The following RBM27 variants were observed in gnomAD, a reference collection of about 807,000 sequenced individuals.
The protein encoded by RBM27 is RNA binding motif protein 27.
A neutral mutation model predicts 135.3 loss-of-function variants in RBM27; 22 were observed. The ratio of observed to expected loss-of-function variants is 0.16; its 90% CI spans 0.12 to 0.23. The LOEUF (loss-of-function observed/expected upper bound fraction) is 0.23, where lower values mean the gene tolerates loss of function less well. Among genes scored for constraint, RBM27 ranks in the 10% least tolerant of loss-of-function variants. RBM27 has a pLI of 1.00. For missense variants in RBM27, 1,009 were observed against 1,281.0 expected (o/e 0.79, Z 3.24); for synonymous variants, 481 against 442.4 (o/e 1.09, Z -1.10).
chr5:146,235,065 T>TAAATAAAC (rs1757101358), intron 7 of RBM27, among the ~76,000 whole-genome samples: 2 of 151,098 alleles, frequency 1.3e-5, no homozygotes, highest in South Asian at 4.2e-4. Context: ...AATAAATAAA[T>TAAATAAAC]AAATAAATAA....
At chr5:146,224,158 T>C (rs2126726006) in intron 3 of RBM27, among the ~76,000 whole-genome samples, 1 of 152,300 alleles carries the variant, frequency 6.6e-6, no homozygotes, top group East Asian at 1.9e-4. Flanking sequence ...CTCTACAAGT[T>C]AACTTCTCTG....
At chr5:146,249,706 AAG>A (rs1757797931) in intron 8 of RBM27, among the ~76,000 whole-genome samples, 1 of 142,190 alleles carries the variant, frequency 7.0e-6, no homozygotes, top group Non-Finnish European at 1.6e-5. Flanking sequence ...AAAAAAGAAA[AAG>A]TAAAAAAAAA....
intron 8 of RBM27, among the ~76,000 whole-genome samples, chr5:146,243,064 G>T (rs1023969598): frequency 3.3e-5 from 5 of 152,108 alleles, no homozygotes; most frequent in African/African-American, 1.2e-4. Context: ...TCAGGAGTTT[G>T]AGACCAGCGT....
chr5:146,208,286 C>T (rs1755788992), intron 1 of RBM27, among the ~76,000 whole-genome samples: 1 of 152,144 alleles, frequency 6.6e-6, no homozygotes, highest in East Asian at 1.9e-4. Flanking sequence ...ATCTAGTTTA[C>T]AGTTGATTAT....
At chr5:146,284,106 T>TA (rs1234373235) in intron 19 of RBM27, among the ~76,000 whole-genome samples, 1 of 152,216 alleles carries the variant, frequency 6.6e-6, no homozygotes, top group African/African-American at 2.4e-5. Context: ...ATTTGTTTAA[T>TA]GTTTATTGAA....
Position 146,220,492 on chromosome 5 carries a change from AT to A in RBM27, c.178+1390del, listed in dbSNP as rs1244862357. ...TCCATCTCAAAAAAAAAAAAAAAAT[AT>A]ATATATATATATATATGTATGTATA... On this transcript the variant is annotated intron_variant, in intron 2 of 20. Transcript: ENST00000265271. Among the ~76,000 whole-genome samples, 13 of 76,304 alleles carry A rather than the reference AT, an allele frequency of 1.7e-4. 1 individual carries two copies. Among genetic ancestry groups the A allele is most frequent in the Admixed American group, 1.6e-3 (10 of 6,152 alleles). 50.1% of individuals were successfully genotyped at this position (76,304 alleles called of 152,430 possible).
rs551118199 is a variant in RBM27 at position 146,288,291 on chromosome 5, G to A, written c.*2261G>A. The A allele has an allele frequency of 1.3e-5, 2 of 152,048 alleles. No individual in the cohort carries two copies. Among genetic ancestry groups the A allele is most frequent in the South Asian group, 2.1e-4 (1 of 4,824 alleles). 9.4% of individuals were successfully genotyped at this position (152,048 alleles called of 1,614,324 possible). A position where few individuals can be genotyped will look rare whatever the true frequency, so the allele number is the denominator to read the frequency against. On this transcript the variant is annotated 3_prime_UTR_variant, in exon 21 of 21. Transcript: ENST00000265271. ...AAAATTTGACTTTTTAGTATTGGGG[G>A]CAGAAGATAGAAGTGTGTTAAAGTG...
At position 146,224,856 on chromosome 5, in the gene RBM27, C is replaced by A. The variant is rs372500517; in HGVS notation, c.303+1329C>A. 7.0e-4 allele frequency among the ~76,000 whole-genome samples: 107 copies of A among 152,136 alleles called. 1 individual carries two copies. The South Asian group carries it at 0.022, about 31-fold the overall frequency. On this transcript the variant is annotated intron_variant, in intron 3 of 20. Coordinates refer to ENST00000265271, the MANE Select transcript of RBM27 (RefSeq NM_018989.2). ...GTTATAGGTGGTCTAGATATACTTACTGAAAATTTGCCCCATCTGCTCTCT... is the reference window on the plus strand; with the variant it reads ...GTTATAGGTGGTCTAGATATACTTAATGAAAATTTGCCCCATCTGCTCTCT...
At chr5:146,239,775 C>CTTTTT (rs754481130) in intron 8 of RBM27, among the ~76,000 whole-genome samples, 3 of 119,406 alleles carry the variant, frequency 2.5e-5, no homozygotes, top group South Asian at 2.7e-4. Flanking sequence ...CACGCCTGGA[C>CTTTTT]TTTTTTTTTT....
rs931164393 is a variant in RBM27, at chr5:146,286,187, C to G, written c.*157C>G. On this transcript the variant is annotated 3_prime_UTR_variant, in exon 21 of 21. Coordinates refer to ENST00000265271, the MANE Select transcript of RBM27 (RefSeq NM_018989.2). ...GCAAGTTTGCTATTTAAACACATCT[C>G]ATAACTGTACATGATATTAAAGCAC... 3 of 572,716 alleles carry G rather than the reference C, an allele frequency of 5.2e-6. No homozygotes were observed. The African/African-American group carries it at 5.7e-5, about 11-fold the overall frequency. The allele number at this position is 572,716 out of a possible 1,614,324, so 35.5% of individuals were successfully genotyped here.
At chr5:146,279,606 G>A (rs566147153) in intron 19 of RBM27, among the ~76,000 whole-genome samples, 4 of 152,068 alleles carry the variant, frequency 2.6e-5, no homozygotes, top group Non-Finnish European at 5.9e-5. Context: ...TCAGGAGTTT[G>A]AGACCAGCCT....
chr5:146,243,862 A>C (rs565323983), intron 8 of RBM27, among the ~76,000 whole-genome samples: 21 of 152,282 alleles, frequency 1.4e-4, no homozygotes, highest in Non-Finnish European at 2.6e-4. Context: ...CAGAAAAACG[A>C]AATCTGGATT....
chr5:146,243,555 C>T (rs1757499819), intron 8 of RBM27, among the ~76,000 whole-genome samples: 1 of 152,104 alleles, frequency 6.6e-6, no homozygotes, highest in South Asian at 2.1e-4. Flanking sequence ...AAATCTGAAA[C>T]AGTTCTGGTC....
At chr5:146,269,101 T>G in intron 15 of RBM27, 106 bp from the exon 16 acceptor site, 1 of 672,962 alleles carries the variant, frequency 1.5e-6, no homozygotes, top group African/African-American at 1.8e-5. Context: ...GTGTCAGCTA[T>G]TTTTTTATTA....
chr5:146,210,755 G>A (rs746338996), intron 1 of RBM27, among the ~76,000 whole-genome samples: 1 of 151,594 alleles, frequency 6.6e-6, no homozygotes, highest in Non-Finnish European at 1.5e-5. Context: ...AGACCATCCT[G>A]GCTAACACAG....
intron 6 of RBM27, among the ~76,000 whole-genome samples, chr5:146,231,592 T>G (rs566585167): frequency 3.2e-4 from 48 of 152,198 alleles, no homozygotes; most frequent in African/African-American, 1.2e-3. Flanking sequence ...ACACTAGTAA[T>G]TGTAATTTTT....
chr5:146,275,176 G>A (rs907233259), intron 19 of RBM27, among the ~76,000 whole-genome samples: 3 of 151,208 alleles, frequency 2.0e-5, no homozygotes, highest in African/African-American at 7.2e-5. Flanking sequence ...AAATATTTAA[G>A]TTAAACATAA....
chr5:146,251,657 A>G, intron 8 of RBM27, 54 bp from the exon 9 acceptor site: 1 of 1,498,874 alleles, frequency 6.7e-7, no homozygotes, highest in Admixed American at 1.7e-5. Flanking sequence ...ATCATCACCT[A>G]AGAGAAGCTT....
At position 146,224,654 on chromosome 5, in the gene RBM27, C is replaced by G. The variant is rs181581285; in HGVS notation, c.303+1127C>G. ...CCGAGATCATACTGTTGCACTCCAG[C>G]CTGGGCAATAAGAGCAAAACTTTGC... On this transcript the variant is annotated intron_variant, in intron 3 of 20. Transcript: ENST00000265271. Among the ~76,000 whole-genome samples, 378 of 152,146 alleles carry G rather than the reference C, an allele frequency of 2.5e-3. 4 individuals are homozygous for G. The highest frequency in any genetic ancestry group is 8.8e-3 in the African/African-American group (365 of 41,510).
Sources: gnomAD v4.1 joint callset for allele counts (sites outside exome capture counted in the v4.1 genomes callset) on GRCh38, gnomAD v4.1.1 for gene constraint, MANE v1.5 for transcripts, NCBI Gene and HGNC (gene_info 2026-07-23, HGNC 2026-07-21) for gene names.